SORD: variants seen among roughly 807,000 people sequenced by gnomAD.
The protein encoded by SORD is (R,R)-butanediol dehydrogenase.
In SORD, 18 loss-of-function variants were observed where a neutral mutation model predicts 35.6. That is an observed-to-expected ratio of 0.51 (90% CI 0.35 to 0.75). SORD has a LOEUF of 0.75. Among genes scored for constraint, SORD ranks in the 30% least tolerant of loss-of-function variants. The pLI is 0.01. For synonymous variants in SORD, 106 were observed against 152.9 expected (o/e 0.69, Z 2.26); for missense variants, 250 against 390.2 (o/e 0.64, Z 3.03).
At chr15:45,059,522 T>A (rs1019568531) in intron 3 of SORD, among the ~76,000 whole-genome samples, 1 of 152,134 alleles carries the variant, frequency 6.6e-6, no homozygotes, top group African/African-American at 2.4e-5. Context: ...TTGAGACAGT[T>A]TTGCTCTGTC....
Position 45,077,096 on chromosome 15 carries a change from T to C in SORD, c.*3566T>C, listed in dbSNP as rs1407415374. On this transcript the variant is annotated 3_prime_UTR_variant, in exon 9 of 9. Transcript: ENST00000267814. ...CCCATTGTGTGGATAGACTATCATTTATAAAGCAAATTGCAGTATTTTGAG... is the reference window on the plus strand; with the variant it reads ...CCCATTGTGTGGATAGACTATCATTCATAAAGCAAATTGCAGTATTTTGAG... 3.6e-4 allele frequency: 53 copies of C among 147,974 alleles called. No individual in the cohort carries two copies. Among genetic ancestry groups the C allele is most frequent in the African/African-American group, 1.4e-3 (53 of 38,010 alleles). The allele number at this position is 147,974 out of a possible 1,614,324, so 9.2% of individuals were successfully genotyped here.
intron 1 of SORD, among the ~76,000 whole-genome samples, chr15:45,038,310 T>C (rs1892907469): frequency 6.6e-6 from 1 of 152,152 alleles, no homozygotes. Flanking sequence ...TTACCATGGG[T>C]GGGTTCCTCA....
intron 1 of SORD, among the ~76,000 whole-genome samples, chr15:45,035,623 C>T (rs1385123195): frequency 2.6e-5 from 4 of 152,156 alleles, no homozygotes; most frequent in Admixed American, 2.6e-4. Context: ...AGTGGCAACT[C>T]GCTGGGGTCC....
At chr15:45,065,038 C>A (rs1346952116) in intron 4 of SORD, among the ~76,000 whole-genome samples, 1 of 152,200 alleles carries the variant, frequency 6.6e-6, no homozygotes, top group African/African-American at 2.4e-5. Context: ...ATTTAACCCA[C>A]CACGCCTGTT....
chr15:45,046,990 C>T (rs966164916), intron 3 of SORD: 4 of 152,214 alleles, frequency 2.6e-5, no homozygotes, highest in Non-Finnish European at 4.4e-5. Flanking sequence ...TGCACTCCAG[C>T]CTGGGCGACA....
At chr15:45,024,931 T>G (rs1892647509) in intron 1 of SORD, among the ~76,000 whole-genome samples, 1 of 152,236 alleles carries the variant, frequency 6.6e-6, no homozygotes, top group Non-Finnish European at 1.5e-5. Flanking sequence ...AGAGCCTGCT[T>G]AAAAGTCATG....
chr15:45,062,086 T>C (rs1893322936), intron 4 of SORD, among the ~76,000 whole-genome samples: 1 of 151,970 alleles, frequency 6.6e-6, no homozygotes, highest in African/African-American at 2.4e-5. Flanking sequence ...GCATGGAGAG[T>C]CATAATTATT....
intron 2 of SORD, chr15:45,041,753 T>G (rs1478986859): frequency 6.6e-6 from 1 of 152,194 alleles, no homozygotes; most frequent in Non-Finnish European, 1.5e-5. Context: ...AGTACAAGCT[T>G]GGCTCCTGGT....
chr15:45,065,224 C>G, intron 4 of SORD, 47 bp from the exon 5 acceptor site: 1 of 1,360,308 alleles, frequency 7.4e-7, no homozygotes, highest in Non-Finnish European at 1.0e-6. Flanking sequence ...CTATTGTTAG[C>G]ATTGTAGTTA....
At chr15:45,034,373 T>A (rs944643647) in intron 1 of SORD, among the ~76,000 whole-genome samples, 3 of 152,178 alleles carry the variant, frequency 2.0e-5, no homozygotes, top group African/African-American at 7.2e-5. Flanking sequence ...TCTGCTTGTG[T>A]TGAGGCTGTT....
At chr15:45,071,141 T>C (rs1294385993) in intron 7 of SORD, among the ~76,000 whole-genome samples, 1 of 152,206 alleles carries the variant, frequency 6.6e-6, no homozygotes, top group African/African-American at 2.4e-5. Flanking sequence ...GTCATATCCT[T>C]GGTGCAGATG....
At chr15:45,063,654 C>G (rs1359793217) in intron 4 of SORD, among the ~76,000 whole-genome samples, 3 of 152,308 alleles carry the variant, frequency 2.0e-5, no homozygotes, top group East Asian at 3.9e-4. Context: ...ATCACCTTCC[C>G]CAATCCCATC....
intron 3 of SORD, among the ~76,000 whole-genome samples, chr15:45,043,973 C>G (rs1893007286): frequency 6.6e-6 from 1 of 152,242 alleles, no homozygotes; most frequent in African/African-American, 2.4e-5. Flanking sequence ...TTGGCTTTAA[C>G]CTTCCTTTAC....
chr15:45,038,544 A>G (rs747040933), intron 1 of SORD, among the ~76,000 whole-genome samples: 5 of 152,218 alleles, frequency 3.3e-5, no homozygotes, highest in South Asian at 2.1e-4. Flanking sequence ...GTAACTTGAC[A>G]TAAGTGAAAA....
chr15:45,049,084 C>T (rs372147046), intron 3 of SORD, among the ~76,000 whole-genome samples: 2 of 152,198 alleles, frequency 1.3e-5, no homozygotes, highest in Non-Finnish European at 2.9e-5. Context: ...CCTGGGAGCC[C>T]ACTGATTACC....
chr15:45,059,388 G>A (rs1893266818), intron 3 of SORD, among the ~76,000 whole-genome samples: 1 of 151,642 alleles, frequency 6.6e-6, no homozygotes, highest in Non-Finnish European at 1.5e-5. Context: ...CAAAAAACCA[G>A]CAATGAGAAA....
chr15:45,072,318 C>T lies in SORD; in HGVS notation c.788C>T (p.Ala263Val). The T allele has an allele frequency of 1.6e-6, 1 of 624,622 alleles. No homozygotes were observed. The highest frequency in any genetic ancestry group is 2.2e-5 in the South Asian group (1 of 45,728). The allele number at this position is 624,622 out of a possible 1,614,324, so 38.7% of individuals were successfully genotyped here. A position where few individuals can be genotyped will look rare whatever the true frequency, so the allele number is the denominator to read the frequency against. The change falls in exon 8 of 9, where the codon GCC becomes GTC. Residue 263 changes from alanine to valine, a missense_variant and splice_region_variant. Physicochemically the swap from Ala to Val is moderately conservative, Grantham distance 64. Transcript: ENST00000267814. ...AEASIQAGIY[A>V]TRSGGNLVLV... ...TTCTTGTTTTTACCTCCTTTACAGG[C>T]CACTCGCTCTGGTGGGAACCTCGTG...
rs1893011003 is a variant in SORD at position 45,044,198 on chromosome 15, A to T, written c.265+777A>T. ...AAGTCAAGAAGGCTCCTGTGGTGTT[A>T]TGAGGTTATTTCCTAGTGGAATGTT... On this transcript the variant is annotated intron_variant, in intron 3 of 8. Transcript: ENST00000267814. Among the ~76,000 whole-genome samples the T allele has an allele frequency of 6.6e-5, 10 of 152,346 alleles. No homozygotes were observed. In the South Asian group the frequency reaches 1.9e-3, roughly 28 times the overall value.
At chr15:45,056,426 C>A (rs945820838) in intron 3 of SORD, among the ~76,000 whole-genome samples, 3 of 152,162 alleles carry the variant, frequency 2.0e-5, no homozygotes, top group Non-Finnish European at 4.4e-5. Context: ...ATCCAACTTA[C>A]AAGGGACGTG....
Sources: gnomAD v4.1 joint callset for allele counts (sites outside exome capture counted in the v4.1 genomes callset) on GRCh38, gnomAD v4.1.1 for gene constraint, MANE v1.5 for transcripts, NCBI Gene and HGNC (gene_info 2026-07-23, HGNC 2026-07-21) for gene names.